The following GAB2 variants were observed in gnomAD, a reference collection of about 807,000 sequenced individuals.
GAB2 encodes the protein GRB2 associated binding protein 2, also known as GRB2-associated-binding protein 2.
Under a neutral mutation model 65.5 loss-of-function variants are expected in GAB2, and 26 were observed. The ratio of observed to expected loss-of-function variants is 0.40; its 90% CI spans 0.29 to 0.55. GAB2 has a LOEUF of 0.55. Ranked by LOEUF, GAB2 falls within the 20% of genes least tolerant of loss-of-function variation. GAB2 has a pLI of 0.53. For synonymous variants in GAB2, 321 were observed against 329.6 expected (o/e 0.97, Z 0.28); for missense variants, 884 against 875.8 (o/e 1.01, Z -0.12).
intron 3 of GAB2, among the ~76,000 whole-genome samples, chr11:78,241,607 G>T (rs1173364687): frequency 1.4e-5 from 2 of 143,898 alleles, no homozygotes; most frequent in East Asian, 4.0e-4. Flanking sequence ...TCAAAAAAGA[G>T]AAAGAAAAAA....
intron 1 of GAB2, among the ~76,000 whole-genome samples, chr11:78,406,443 T>C (rs1857045783): frequency 6.6e-6 from 1 of 152,026 alleles, no homozygotes; most frequent in Non-Finnish European, 1.5e-5. Flanking sequence ...AATGGCATGA[T>C]CTTGGCTCAG....
At chr11:78,266,683 A>G (rs1041303749) in intron 2 of GAB2, among the ~76,000 whole-genome samples, 3 of 152,228 alleles carry the variant, frequency 2.0e-5, no homozygotes, top group African/African-American at 7.2e-5. Context: ...GAAAACTGAG[A>G]AGCCCAGAAC....
chr11:78,238,119 CTACCATGGCACATGTT>C (rs1865030694), intron 3 of GAB2, among the ~76,000 whole-genome samples: 1 of 149,104 alleles, frequency 6.7e-6, no homozygotes, highest in Non-Finnish European at 1.5e-5. Flanking sequence ...GTGCAGTAAA[CTACCATGGCACATGTT>C]TACCTATGTA....
At chr11:78,357,759 C>T (rs1253577691) in intron 1 of GAB2, among the ~76,000 whole-genome samples, 3 of 152,138 alleles carry the variant, frequency 2.0e-5, no homozygotes, top group African/African-American at 7.2e-5. Context: ...CATCTCACAC[C>T]AGTTAGAATG....
Position 78,220,464 on chromosome 11 carries a change from A to T in GAB2, c.1762-20T>A. The T allele has an allele frequency of 1.9e-6, 3 of 1,545,796 alleles. No individual in the cohort carries two copies. Among genetic ancestry groups the T allele is most frequent in the South Asian group, 2.4e-5 (2 of 82,822 alleles). On this transcript the variant is annotated intron_variant, in intron 8 of 9. Coordinates refer to ENST00000361507, the MANE Select transcript of GAB2 (RefSeq NM_080491.3). The stretch of plus-strand genomic sequence containing the variant: ...GTTTTGCTGTCACGAGGAGGAAAAA[A>T]CTGTGAGTGACTGCAGAAAACAGAC...
chr11:78,410,535 T>C (rs1288225153), intron 1 of GAB2, among the ~76,000 whole-genome samples: 1 of 151,948 alleles, frequency 6.6e-6, no homozygotes, highest in Admixed American at 6.6e-5. Flanking sequence ...AATGAAGCAA[T>C]GTCAGTATGC....
At chr11:78,280,375 C>T in intron 2 of GAB2, 1 of 571,716 alleles carries the variant, frequency 1.7e-6, no homozygotes, top group East Asian at 2.9e-5. Context: ...ACCACAAATA[C>T]CTTTAGCTTT....
At chr11:78,378,144 G>C (rs771040742) in intron 1 of GAB2, among the ~76,000 whole-genome samples, 5 of 152,138 alleles carry the variant, frequency 3.3e-5, no homozygotes, top group Non-Finnish European at 5.9e-5. Context: ...TTTAAATTTG[G>C]AGTTCTAAAA....
At chr11:78,235,008 T>C (rs1158477608) in intron 3 of GAB2, among the ~76,000 whole-genome samples, 4 of 151,800 alleles carry the variant, frequency 2.6e-5, no homozygotes, top group Admixed American at 6.6e-5. Context: ...ACAGACTTTC[T>C]CCTCCCGGGC....
At chr11:78,388,771 G>A (rs572837097) in intron 1 of GAB2, among the ~76,000 whole-genome samples, 7 of 152,326 alleles carry the variant, frequency 4.6e-5, no homozygotes, top group Middle Eastern at 3.4e-3. Context: ...CAAATGCAAT[G>A]ATTCTATTCC....
intron 1 of GAB2, among the ~76,000 whole-genome samples, chr11:78,392,760 A>C (rs1178599586): frequency 6.6e-6 from 1 of 152,162 alleles, no homozygotes; most frequent in African/African-American, 2.4e-5. Context: ...TTAGGCCTTT[A>C]AACTGTTCTC....
intron 3 of GAB2, among the ~76,000 whole-genome samples, chr11:78,242,818 A>T (rs1489755863): frequency 6.6e-6 from 1 of 152,108 alleles, no homozygotes; most frequent in Non-Finnish European, 1.5e-5. Flanking sequence ...AATAAACAAA[A>T]TCAAACCAGT....
At chr11:78,298,768 G>A (rs1342323786) in intron 1 of GAB2, among the ~76,000 whole-genome samples, 1 of 152,146 alleles carries the variant, frequency 6.6e-6, no homozygotes, top group Non-Finnish European at 1.5e-5. Flanking sequence ...GGAAAACCAG[G>A]GCAAAGCTGG....
At chr11:78,251,884 A>C (rs1865465032) in intron 2 of GAB2, among the ~76,000 whole-genome samples, 1 of 152,258 alleles carries the variant, frequency 6.6e-6, no homozygotes, top group Admixed American at 6.5e-5. Flanking sequence ...TTACCTAATA[A>C]AGGCAAGGTA....
intron 1 of GAB2, among the ~76,000 whole-genome samples, chr11:78,374,040 A>G (rs1013589649): frequency 2.6e-5 from 4 of 152,194 alleles, no homozygotes; most frequent in Non-Finnish European, 5.9e-5. Flanking sequence ...GTTGCCTTCT[A>G]TGGGACCCAT....
In GAB2 at chr11:78,400,719, A is replaced by C. The variant is rs556213173; in HGVS notation, c.75+16927T>G. 2.7e-3 allele frequency among the ~76,000 whole-genome samples: 410 copies of C among 152,178 alleles called. 3 individuals carry two copies. Among genetic ancestry groups the C allele is most frequent in the Non-Finnish European group, 5.2e-3 (351 of 67,996 alleles). ...GGAGTTCGAGACCAGCCTGGTCAAC[A>C]GAGCAAAACCCCATCTCTATTGAAA... On this transcript the variant is annotated intron_variant, in intron 1 of 9. Transcript: ENST00000361507.
intron 1 of GAB2, among the ~76,000 whole-genome samples, chr11:78,405,243 T>C (rs112028312): frequency 0.063 from 9,596 of 152,002 alleles, 981 homozygotes; most frequent in African/African-American, 0.22. Context: ...GAACTACAGG[T>C]GCCTGCCACC....
intron 1 of GAB2, among the ~76,000 whole-genome samples, chr11:78,356,576 C>G (rs904469988): frequency 6.6e-6 from 1 of 152,270 alleles, no homozygotes; most frequent in African/African-American, 2.4e-5. Context: ...AGGTATAAGA[C>G]TTTGGTTTTG....
chr11:78,328,728 A>C (rs770820799), intron 1 of GAB2, among the ~76,000 whole-genome samples: 1 of 143,542 alleles, frequency 7.0e-6, no homozygotes, highest in African/African-American at 2.6e-5. Flanking sequence ...AGGCAAAACT[A>C]ATCTATGGTA....
Sources: gnomAD v4.1 joint callset for allele counts (sites outside exome capture counted in the v4.1 genomes callset) on GRCh38, gnomAD v4.1.1 for gene constraint, MANE v1.5 for transcripts, NCBI Gene and HGNC (gene_info 2026-07-23, HGNC 2026-07-21) for gene names.